Variants in CTDP1 observed in about 807,000 individuals in gnomAD.
CTDP1 encodes the protein RNA polymerase II subunit A C-terminal domain phosphatase.
Under a neutral mutation model 91.8 loss-of-function variants are expected in CTDP1, and 47 were observed. The observed-to-expected ratio is 0.51, with a 90% CI of 0.41 to 0.65. The LOEUF (loss-of-function observed/expected upper bound fraction) is 0.65. Among genes scored for constraint, CTDP1 ranks in the 30% least tolerant of loss-of-function variants. The pLI, the probability that CTDP1 is intolerant of heterozygous loss-of-function variation, is 0.00. For missense variants in CTDP1, 1,272 were observed against 1,373.7 expected, an observed-to-expected ratio of 0.93 and a Z score of 1.17; for synonymous variants, 656 against 598.5, an observed-to-expected ratio of 1.10 and a Z score of -1.40.
chr18:79,746,501 G>C (rs548838438), intron 12 of CTDP1, among the ~76,000 whole-genome samples: 1 of 152,390 alleles, frequency 6.6e-6, no homozygotes, highest in Admixed American at 6.5e-5. Context: ...TTTGGTTTGT[G>C]AAAGTTTGCT....
intron 10 of CTDP1, among the ~76,000 whole-genome samples, chr18:79,724,583 C>G (rs1485317001): frequency 6.6e-6 from 1 of 152,190 alleles, no homozygotes; most frequent in Non-Finnish European, 1.5e-5. Flanking sequence ...TCTGCTAGTC[C>G]TTGGTTGGAT....
rs1359133618 is a variant in CTDP1, at chr18:79,714,499, T to C, written c.1039T>C (p.Ser347Pro). 6.2e-7 allele frequency: 1 copy of C among 1,612,994 alleles called. No individual in the cohort carries two copies. The highest frequency in any genetic ancestry group is 1.3e-5 in the African/African-American group (1 of 74,936). Residue 347 changes from serine (S) to proline (P), a missense_variant, in exon 8 of 13, where the codon TCT becomes CCT. Physicochemically the swap from Ser to Pro is moderately conservative, Grantham distance 74. This residue lies in a region of CTDP1 where 881 missense variants were observed against 911.6 expected (regional missense o/e 0.97). Transcript: ENST00000613122. ...ESQTRKKVNH[S>P]RGTEVSEPSP... is the part of the protein sequence containing the mutation. ...TTTGCATGCATATTTAGTAAATCAT[T>C]CTCGAGGCACTGAGGTCTCAGAGCC...
intron 11 of CTDP1, among the ~76,000 whole-genome samples, chr18:79,731,548 G>C (rs970398745): frequency 6.6e-6 from 1 of 152,150 alleles, no homozygotes; most frequent in East Asian, 1.9e-4. Flanking sequence ...AACCACGGAG[G>C]CTTCTACAGC....
Position 79,717,687 on chromosome 18 carries a change from G to A in CTDP1, c.2210+11G>A, listed in dbSNP as rs1489735279. On this transcript the variant is annotated intron_variant, in intron 9 of 12. Coordinates refer to ENST00000613122, the MANE Select transcript of CTDP1 (RefSeq NM_004715.5). The stretch of plus-strand genomic sequence containing the variant: ...CACCAAGGCACAGAGGTGGGTCCTC[G>A]CTGCACCCAGCAGGTCCGTGCCAGG... 7.4e-6 allele frequency: 12 copies of A among 1,613,840 alleles called. No homozygotes were observed. Among genetic ancestry groups the A allele is most frequent in the Admixed American group, 5.0e-5 (3 of 59,998 alleles).
At chr18:79,742,177 AGCAT>A (rs1447216927) in intron 12 of CTDP1, among the ~76,000 whole-genome samples, 2,592 of 86,354 alleles carry the variant, frequency 0.03, 45 homozygotes, top group Non-Finnish European at 0.046. Flanking sequence ...GGAAGCATGA[AGCAT>A]GAGAGAGAGA....
intron 1 of CTDP1, among the ~76,000 whole-genome samples, chr18:79,694,260 T>TG (rs2085692288): frequency 7.1e-6 from 1 of 139,988 alleles, no homozygotes; most frequent in African/African-American, 2.8e-5. Context: ...GTGTGGGGGC[T>TG]ACAGGCACCT....
At chr18:79,694,578 T>C (rs192309089) in intron 1 of CTDP1, among the ~76,000 whole-genome samples, 1,266 of 99,144 alleles carry the variant, frequency 0.013, 37 homozygotes, top group African/African-American at 0.05. Flanking sequence ...GAGTGCTGGG[T>C]GGTCTCATGT....
chr18:79,687,070 C>A (rs1599190863), intron 1 of CTDP1, among the ~76,000 whole-genome samples: 1 of 76,142 alleles, frequency 1.3e-5, no homozygotes, highest in Non-Finnish European at 2.5e-5. Context: ...ACTGGTGGGC[C>A]TGCACCGCAG....
At chr18:79,709,592 T>C (rs148612104) in intron 5 of CTDP1, among the ~76,000 whole-genome samples, 1 of 152,336 alleles carries the variant, frequency 6.6e-6, no homozygotes, top group Non-Finnish European at 1.5e-5. Flanking sequence ...TTAACGGATG[T>C]CATGTGAAGT....
At chr18:79,683,340 AC>A (rs1264833007) in intron 1 of CTDP1, among the ~76,000 whole-genome samples, 1 of 152,200 alleles carries the variant, frequency 6.6e-6, no homozygotes, top group Non-Finnish European at 1.5e-5. Context: ...TCCTTAGAGT[AC>A]CCCTTTCAGA....
rs957767484 is a variant in CTDP1, at chr18:79,710,495, T to C, written c.863+59T>C. On this transcript the variant is annotated intron_variant, in intron 6 of 12. Transcript: ENST00000613122. ...CGCTGTTCATTTCCCATTTCAAAAATCGCATCTTGAAATTTAGAGCAGTAT... is the reference window on the plus strand; with the variant it reads ...CGCTGTTCATTTCCCATTTCAAAAACCGCATCTTGAAATTTAGAGCAGTAT... 3 of 1,294,306 alleles carry C rather than the reference T, an allele frequency of 2.3e-6. No individual in the cohort carries two copies. The African/African-American group carries it at 4.4e-5, about 19-fold the overall frequency. 80.2% of individuals were successfully genotyped at this position (1,294,306 alleles called of 1,614,324 possible). A position where few individuals can be genotyped will look rare whatever the true frequency, so the allele number is the denominator to read the frequency against.
At chr18:79,716,817 G>T (rs1421356615) in intron 8 of CTDP1, among the ~76,000 whole-genome samples, 3 of 152,258 alleles carry the variant, frequency 2.0e-5, no homozygotes, top group Non-Finnish European at 4.4e-5. Flanking sequence ...CTGTTGAGAG[G>T]CTTTGCTGAA....
chr18:79,751,702 C>T (rs1446094641), intron 12 of CTDP1, among the ~76,000 whole-genome samples: 4 of 151,544 alleles, frequency 2.6e-5, no homozygotes, highest in Non-Finnish European at 5.9e-5. Context: ...GCTGTGTGTG[C>T]GTGCAGGTGT....
intron 12 of CTDP1, among the ~76,000 whole-genome samples, chr18:79,742,967 A>G (rs538116721): frequency 2.6e-4 from 39 of 152,304 alleles, no homozygotes; most frequent in Admixed American, 5.2e-4. Flanking sequence ...AAACGAAATA[A>G]AACAACTCTT....
intron 5 of CTDP1, among the ~76,000 whole-genome samples, chr18:79,709,131 G>A (rs1216820512): frequency 2.0e-5 from 3 of 152,166 alleles, no homozygotes; most frequent in East Asian, 3.8e-4. Flanking sequence ...AATTGACATT[G>A]AACTTGATGC....
At chr18:79,740,992 C>T (rs747318698) in intron 12 of CTDP1, among the ~76,000 whole-genome samples, 24 of 151,734 alleles carry the variant, frequency 1.6e-4, no homozygotes, top group African/African-American at 3.9e-4. Context: ...GTCCCCCGTG[C>T]GGTTGATCTG....
chr18:79,694,355 T>C (rs56004817), intron 1 of CTDP1, among the ~76,000 whole-genome samples: 17 of 75,020 alleles, frequency 2.3e-4, no homozygotes, highest in South Asian at 7.1e-4. Flanking sequence ...AGTGTGGGGG[T>C]TGCGAGCTCC....
intron 10 of CTDP1, 66 bp downstream of exon 10, chr18:79,718,082 T>C: frequency 6.3e-7 from 1 of 1,579,092 alleles, no homozygotes; most frequent in Non-Finnish European, 8.6e-7. Flanking sequence ...CTCCAGTCTG[T>C]TGGGGGGATG....
chr18:79,738,224 C>G (rs2122798817), intron 12 of CTDP1, among the ~76,000 whole-genome samples: 1 of 152,370 alleles, frequency 6.6e-6, no homozygotes, highest in East Asian at 1.9e-4. Context: ...CGGCTCCCGT[C>G]TTCAGCTCCG....
Sources: allele counts gnomAD v4.1 joint callset (sites outside exome capture counted in the v4.1 genomes callset), GRCh38; gene constraint gnomAD v4.1.1; regional missense constraint gnomAD v4.1.1; transcripts MANE v1.5; gene names NCBI Gene and HGNC (gene_info 2026-07-23, HGNC 2026-07-21).